GTF2H2C: variants seen among roughly 807,000 people sequenced by gnomAD.
GTF2H2C encodes GTF2H2 family member C.
Under a neutral mutation model 24.8 loss-of-function variants are expected in GTF2H2C, and 5 were observed. That is an observed-to-expected ratio of 0.20 (90% CI 0.11 to 0.42). The LOEUF (loss-of-function observed/expected upper bound fraction) is 0.42, where lower values mean the gene tolerates loss of function less well. Among genes scored for constraint, GTF2H2C ranks in the 20% least tolerant of loss-of-function variants. GTF2H2C has a pLI of 1.00. For missense variants in GTF2H2C, 45 were observed against 169.8 expected, an observed-to-expected ratio of 0.27 and a Z score of 4.08; for synonymous variants, 14 against 52.6, an observed-to-expected ratio of 0.27 and a Z score of 3.18.
At chr5:69,563,183 G>T (rs946406700) in intron 2 of GTF2H2C, among the ~76,000 whole-genome samples, 1 of 148,490 alleles carries the variant, frequency 6.7e-6, no homozygotes, top group African/African-American at 2.5e-5. Flanking sequence ...TAGAATTACA[G>T]ATGTCAGCCA....
At position 69,568,429 on chromosome 5, in the gene GTF2H2C, T is replaced by C. The variant is rs970763052; in HGVS notation, c.364+222T>C. On this transcript the variant is annotated intron_variant, in intron 8 of 16. Transcript: ENST00000380729. ...CATCATAGTGGTAAATAATACTACA[T>C]TGAATATAAATGTTTTTATTTAAAT... The C allele has an allele frequency of 1.6e-5, 8 of 505,354 alleles. 1 individual carries two copies. In the African/African-American group the frequency reaches 1.7e-4, roughly 11 times the overall value. 31.3% of individuals were successfully genotyped at this position (505,354 alleles called of 1,614,324 possible).
intron 8 of GTF2H2C, chr5:69,569,777 A>T (rs1195359354): frequency 3.7e-5 from 3 of 80,496 alleles, no homozygotes; most frequent in East Asian, 5.2e-4. Context: ...CGGGTTCAAG[A>T]GATTCTCCTG....
intron 1 of GTF2H2C, among the ~76,000 whole-genome samples, chr5:69,561,906 A>T (rs1179443605): frequency 1.3e-5 from 2 of 152,046 alleles, no homozygotes. Context: ...AAGTGCTGGG[A>T]TTACAGGTTT....
chr5:69,573,145 TACACACACACACACACACAC>T, intron 9 of GTF2H2C, among the ~76,000 whole-genome samples: 1 of 117,440 alleles, frequency 8.5e-6, no homozygotes, highest in Middle Eastern at 3.7e-3. Flanking sequence ...CTATTATATA[TACACACACACACACACACAC>T]ACACACACAC....
At chr5:69,563,208 G>GTTTTTTTTTTTTTTTTTTTTTTTTTT (rs372454225) in intron 2 of GTF2H2C, among the ~76,000 whole-genome samples, 1 of 107,312 alleles carries the variant, frequency 9.3e-6, no homozygotes. Flanking sequence ...ACCCGGCCTG[G>GTTTTTTTTTTTTTTTTTTTTTTTTTT]TTTTTTTTTT....
intron 2 of GTF2H2C, among the ~76,000 whole-genome samples, chr5:69,563,367 A>ATT (rs1770518805): frequency 6.6e-6 from 1 of 151,264 alleles, no homozygotes; most frequent in East Asian, 2.0e-4. Flanking sequence ...GGCACCTGCC[A>ATT]CCATGCCCAA....
chr5:69,594,609 A>G lies in GTF2H2C; in HGVS notation c.*2411A>G, dbSNP rs950090942. On this transcript the variant is annotated 3_prime_UTR_variant, in exon 17 of 17. Transcript: ENST00000380729. The stretch of plus-strand genomic sequence containing the variant: ...CTATTTTCTTCTGTGTGCTCTGTCA[A>G]CAAAGGTATCAGTGGCTTGCAGGAG... The G allele has an allele frequency of 8.8e-6, 1 of 113,154 alleles. No homozygotes were observed. The highest frequency in any genetic ancestry group is 3.0e-5 in the African/African-American group (1 of 32,830). 7.0% of individuals were successfully genotyped at this position (113,154 alleles called of 1,614,324 possible).
At position 69,593,938 on chromosome 5, in the gene GTF2H2C, G is replaced by GAAAAAAAAAAAAAAAAAAAA. The variant is rs1174187959; in HGVS notation, c.*1747_*1766dup. 1.2e-4 allele frequency among the ~76,000 whole-genome samples: 5 copies of GAAAAAAAAAAAAAAAAAAAA among 41,768 alleles called. No homozygotes were observed. The highest frequency in any genetic ancestry group is 5.3e-4 in the African/African-American group (5 of 9,470). The allele number at this position is 41,768 out of a possible 152,430, so 27.4% of individuals were successfully genotyped here. On this transcript the variant is annotated 3_prime_UTR_variant, in exon 17 of 17. Transcript: ENST00000380729. ...GCGACAGAGCTAGACTCTGTCTCAA[G>GAAAAAAAAAAAAAAAAAAAA]AAAAAAAAAAAAAAAAAAAAAAAAA...
chr5:69,561,586 A>G (rs1217449898), intron 1 of GTF2H2C, among the ~76,000 whole-genome samples: 1 of 128,312 alleles, frequency 7.8e-6, no homozygotes, highest in African/African-American at 3.0e-5. Context: ...TTCCTTTGAT[A>G]TGGTCAGCCA....
intron 15 of GTF2H2C, among the ~76,000 whole-genome samples, chr5:69,589,567 C>A: frequency 6.2e-5 from 1 of 16,214 alleles, no homozygotes; most frequent in Middle Eastern, 0.01. Context: ...GCATTCGAGA[C>A]CAGCCTGGGC....
At chr5:69,565,377 C>T (rs1228838508) in intron 3 of GTF2H2C, 189 bp downstream of exon 3, 1 of 170,614 alleles carries the variant, frequency 5.9e-6, no homozygotes. Context: ...ATATTGTAAC[C>T]ACTCCAGTAA....
chr5:69,563,334 C>T (rs1770515693), intron 2 of GTF2H2C, among the ~76,000 whole-genome samples: 1 of 151,060 alleles, frequency 6.6e-6, no homozygotes, highest in Non-Finnish European at 1.5e-5. Flanking sequence ...CCTGCCTCAG[C>T]CTCCCTAGTA....
chr5:69,573,107 TTACA>T (rs1229555471), intron 9 of GTF2H2C, among the ~76,000 whole-genome samples: 3 of 141,100 alleles, frequency 2.1e-5, no homozygotes, highest in South Asian at 2.2e-4. Flanking sequence ...TATGTTAAAC[TTACA>T]TATATAAGTT....
intron 9 of GTF2H2C, among the ~76,000 whole-genome samples, chr5:69,573,143 TATACACACACACACAC>T (rs1421645838): frequency 6.5e-5 from 6 of 92,082 alleles, no homozygotes; most frequent in South Asian, 8.8e-4. Context: ...ATCTATTATA[TATACACACACACACAC>T]ACACACACAC....
chr5:69,579,603 ATTAC>A (rs1167244864), intron 11 of GTF2H2C, among the ~76,000 whole-genome samples, 150 bp from the exon 12 acceptor site: 11 of 104,934 alleles, frequency 1.0e-4, no homozygotes, highest in African/African-American at 4.2e-4. Flanking sequence ...ATTTAGATAT[ATTAC>A]TTAAATAAGG....
At chr5:69,581,450 A>G (rs1346456328) in intron 12 of GTF2H2C, among the ~76,000 whole-genome samples, 2 of 146,124 alleles carry the variant, frequency 1.4e-5, no homozygotes, top group Admixed American at 1.4e-4. Context: ...GTGTGTTTCA[A>G]GGATTGAGTT....
intron 15 of GTF2H2C, among the ~76,000 whole-genome samples, chr5:69,589,324 CTAGT>C (rs1771861303): frequency 7.2e-5 from 1 of 13,844 alleles, no homozygotes; most frequent in Non-Finnish European, 1.6e-4. Flanking sequence ...GAGAATGACA[CTAGT>C]TAAATATTTA....
chr5:69,568,657 C>G (rs1235181443), intron 8 of GTF2H2C: 1 of 113,948 alleles, frequency 8.8e-6, no homozygotes, highest in Non-Finnish European at 1.8e-5. Flanking sequence ...CCACCACGCC[C>G]TGCTAATTTT....
At chr5:69,572,409 A>T (rs746460066) in intron 8 of GTF2H2C, 36 bp from the exon 9 acceptor site, 1 of 763,254 alleles carries the variant, frequency 1.3e-6, no homozygotes, top group Non-Finnish European at 1.9e-6. Context: ...TTTTTAATAT[A>T]TAGGATTTTA....
Sources: allele counts gnomAD v4.1 joint callset (sites outside exome capture counted in the v4.1 genomes callset), GRCh38; gene constraint gnomAD v4.1.1; transcripts MANE v1.5; gene names NCBI Gene and HGNC (gene_info 2026-07-23, HGNC 2026-07-21).